The following OTOGL variants were observed in gnomAD, a reference collection of about 807,000 sequenced individuals.
OTOGL encodes the protein otogelin like, also known as otogelin-like protein.
In OTOGL, 285 loss-of-function variants were observed where a neutral mutation model predicts 318.5. The observed-to-expected ratio is 0.89, with a 90% CI of 0.81 to 0.99. OTOGL has a LOEUF of 0.99. Ranked by LOEUF, OTOGL falls within the 50% of genes least tolerant of loss-of-function variation. The pLI, the probability that OTOGL is intolerant of heterozygous loss-of-function variation, is 0.00. For missense variants in OTOGL, 2,899 were observed against 2,845.6 expected, an observed-to-expected ratio of 1.02 and a Z score of -0.43; for synonymous variants, 987 against 936.5, an observed-to-expected ratio of 1.05 and a Z score of -0.99.
At chr12:80,306,794 T>TTTATTATTA (rs10668230) in intron 29 of OTOGL, among the ~76,000 whole-genome samples, 12 of 129,156 alleles carry the variant, frequency 9.3e-5, no homozygotes, top group South Asian at 2.4e-4. Flanking sequence ...TAAATTTTAT[T>TTTATTATTA]TTATTATTAT....
chr12:80,289,918 T>G (rs1260813627), intron 26 of OTOGL, among the ~76,000 whole-genome samples: 1 of 151,996 alleles, frequency 6.6e-6, no homozygotes, highest in Non-Finnish European at 1.5e-5. Context: ...TTTGTCTTGC[T>G]GGGGTTCCAG....
chr12:80,299,116 C>T (rs965279947), intron 27 of OTOGL, among the ~76,000 whole-genome samples: 1 of 152,156 alleles, frequency 6.6e-6, no homozygotes, highest in African/African-American at 2.4e-5. Flanking sequence ...ACTTGAAATT[C>T]TTGTGCACAC....
chr12:80,257,964 G>A lies in OTOGL; in HGVS notation c.1851G>A (p.Leu617=), dbSNP rs896789939. The stretch of plus-strand genomic sequence containing the variant: ...CATGGAAAAGAAGAACATTAGGTCT[G>A]TGTGGCACTTTTAATGGCAACATAA... ...TSAWKRRTLG[L]CGTFNGNIRD... Residue 617 remains leucine (L), a synonymous_variant, in exon 18 of 59, where the codon CTG becomes CTA. Transcript: ENST00000547103. 3.1e-6 allele frequency: 5 copies of A among 1,593,942 alleles called. No homozygotes were observed. The highest frequency in any genetic ancestry group is 1.7e-5 in the Admixed American group (1 of 58,484).
chr12:80,125,282 T>A (rs1041094878), intron 1 of OTOGL, among the ~76,000 whole-genome samples: 3 of 152,244 alleles, frequency 2.0e-5, no homozygotes, highest in African/African-American at 7.2e-5. Flanking sequence ...CTTTTCTGCA[T>A]CTATTGAGAT....
intron 57 of OTOGL, among the ~76,000 whole-genome samples, chr12:80,372,897 G>A (rs889517746): frequency 1.8e-4 from 27 of 152,122 alleles, no homozygotes; most frequent in Admixed American, 7.2e-4. Flanking sequence ...GTGTTGGCCA[G>A]GTTGGCCTCA....
At chr12:80,218,955 T>C (rs1466986769) in intron 5 of OTOGL, among the ~76,000 whole-genome samples, 2 of 150,554 alleles carry the variant, frequency 1.3e-5, no homozygotes, top group Non-Finnish European at 3.0e-5. Context: ...CCACCATGCC[T>C]GGCAGCAAAG....
In OTOGL at chr12:80,252,117, AGTT is replaced by A; in HGVS notation, c.1207_1209del (p.Cys403del). 1.3e-6 allele frequency: 2 copies of A among 1,562,912 alleles called. No individual in the cohort carries two copies. Among genetic ancestry groups the A allele is most frequent in the Non-Finnish European group, 1.7e-6 (2 of 1,151,814 alleles). ...TAGCTTTGTCCATCGGGACTGTATC[AGTT>A]GTTGTCCACCAACCTGCACATTTGA... On this transcript the variant is annotated inframe_deletion, in exon 13 of 59. Transcript: ENST00000547103.
chr12:80,293,137 A>G (rs1198316687), intron 26 of OTOGL, among the ~76,000 whole-genome samples: 1 of 152,214 alleles, frequency 6.6e-6, no homozygotes, highest in Non-Finnish European at 1.5e-5. Context: ...AGTTTCCCAA[A>G]TAATCTTAAA....
intron 58 of OTOGL, 48 bp downstream of exon 58, chr12:80,377,250 G>C: frequency 7.1e-7 from 1 of 1,413,556 alleles, no homozygotes; most frequent in Non-Finnish European, 9.8e-7. Context: ...CATCTTTTTA[G>C]AAAGTATGTG....
In OTOGL at chr12:80,267,255, T is replaced by C; in HGVS notation, c.2393T>C (p.Phe798Ser). Residue 798 changes from phenylalanine (F) to serine (S), a missense_variant and splice_region_variant, in exon 22 of 59, where the codon TTC (phenylalanine) becomes TCC (serine). By Grantham distance (155) the Phe-to-Ser change is radical. Coordinates refer to ENST00000547103, the MANE Select transcript of OTOGL (RefSeq NM_001378609.3). Reference protein sequence around the residue: ...EDTLNFCVPIFHCRCHYRGSV... With the variant: ...EDTLNFCVPISHCRCHYRGSV... ...TACTTTACTTTTTCTTCGTATAGAT[T>C]CCACTGCCGTTGTCATTATAGGGGC... The C allele has an allele frequency of 1.3e-6, 2 of 1,536,606 alleles. No homozygotes were observed. Among genetic ancestry groups the C allele is most frequent in the Non-Finnish European group, 8.9e-7 (1 of 1,123,930 alleles).
chr12:80,295,701 TA>T (rs768223203), intron 26 of OTOGL, among the ~76,000 whole-genome samples: 1 of 152,152 alleles, frequency 6.6e-6, no homozygotes, highest in African/African-American at 2.4e-5. Context: ...TGGGGGAGAT[TA>T]GGACCACTTT....
chr12:80,302,420 G>C (rs1267904662), intron 27 of OTOGL, among the ~76,000 whole-genome samples: 1 of 152,014 alleles, frequency 6.6e-6, no homozygotes, highest in Non-Finnish European at 1.5e-5. Flanking sequence ...TCCATGTGGG[G>C]TCCATCTGCT....
chr12:80,146,414 G>T (rs1200244302), intron 1 of OTOGL, among the ~76,000 whole-genome samples: 4 of 151,176 alleles, frequency 2.6e-5, no homozygotes, highest in Non-Finnish European at 5.9e-5. Context: ...AAGCCCTCTT[G>T]ATCATGGTGG....
intron 11 of OTOGL, among the ~76,000 whole-genome samples, chr12:80,246,708 C>A (rs1880928182): frequency 2.6e-5 from 1 of 38,774 alleles, no homozygotes; most frequent in Non-Finnish European, 4.3e-5. Flanking sequence ...CCCTCTTTTT[C>A]TATTGATTGG....
intron 26 of OTOGL, among the ~76,000 whole-genome samples, chr12:80,283,923 A>C (rs565198466): frequency 6.6e-6 from 1 of 152,060 alleles, no homozygotes; most frequent in Non-Finnish European, 1.5e-5. Context: ...GGTTTGTTAC[A>C]TAGGTATACG....
intron 1 of OTOGL, among the ~76,000 whole-genome samples, chr12:80,163,012 T>G (rs1873617687): frequency 6.6e-6 from 1 of 152,090 alleles, no homozygotes; most frequent in Non-Finnish European, 1.5e-5. Context: ...TCCTCTTTAC[T>G]ATTAGACTAA....
At chr12:80,150,205 A>G (rs999207888) in intron 1 of OTOGL, among the ~76,000 whole-genome samples, 73 of 152,336 alleles carry the variant, frequency 4.8e-4, no homozygotes, top group African/African-American at 1.7e-3. Context: ...TCTCTCTAGA[A>G]TATTTTTTTT....
chr12:80,308,849 C>A (rs145691914), intron 29 of OTOGL, among the ~76,000 whole-genome samples: 1 of 152,038 alleles, frequency 6.6e-6, no homozygotes, highest in East Asian at 1.9e-4. Context: ...CGCCTGCAAT[C>A]GCAGGCACTC....
chr12:80,220,000 G>C, intron 6 of OTOGL, 88 bp downstream of exon 6: 1 of 952,452 alleles, frequency 1.0e-6, no homozygotes, highest in Non-Finnish European at 1.6e-6. Flanking sequence ...TCATCCATTG[G>C]GAGTTGTATA....
Sources: gnomAD v4.1 joint callset for allele counts (sites outside exome capture counted in the v4.1 genomes callset) on GRCh38, gnomAD v4.1.1 for gene constraint, MANE v1.5 for transcripts, NCBI Gene and HGNC (gene_info 2026-07-23, HGNC 2026-07-21) for gene names.